DSCAM: variants seen among roughly 807,000 people sequenced by gnomAD.
The protein encoded by DSCAM is DS cell adhesion molecule.
DSCAM carries 47 observed loss-of-function variants against 217.7 expected under a neutral mutation model. The observed-to-expected ratio is 0.22, with a 90% CI of 0.17 to 0.28. The LOEUF is 0.28. Ranked by LOEUF, DSCAM falls within the 10% of genes least tolerant of loss-of-function variation. The pLI is 1.00. For synonymous variants in DSCAM, 1,056 were observed against 1,015.3 expected (o/e 1.04, Z -0.76); for missense variants, 2,080 against 2,618.3 (o/e 0.79, Z 4.49).
At chr21:40,308,975 T>A (rs1167791366) in intron 9 of DSCAM, among the ~76,000 whole-genome samples, 6 of 152,186 alleles carry the variant, frequency 3.9e-5, no homozygotes, top group African/African-American at 1.4e-4. Flanking sequence ...AGAATTCTGG[T>A]TGCATTCACT....
chr21:40,666,849 G>C (rs1423855567), intron 3 of DSCAM, among the ~76,000 whole-genome samples: 1 of 152,236 alleles, frequency 6.6e-6, no homozygotes, highest in Non-Finnish European at 1.5e-5. Context: ...CAAGGCACAA[G>C]AGTTCCAAAA....
intron 3 of DSCAM, among the ~76,000 whole-genome samples, chr21:40,559,782 CTGTCTT>C (rs1034232552): frequency 2.4e-4 from 27 of 111,438 alleles, no homozygotes; most frequent in Non-Finnish European, 3.8e-4. Context: ...TTAAAATTTT[CTGTCTT>C]TTTTTTTTTT....
At chr21:40,657,408 C>T (rs1240411261) in intron 3 of DSCAM, among the ~76,000 whole-genome samples, 1 of 152,058 alleles carries the variant, frequency 6.6e-6, no homozygotes, top group African/African-American at 2.4e-5. Context: ...GCAAATAAAC[C>T]AGGGTACGAC....
At chr21:40,065,181 G>A (rs2089188471) in intron 27 of DSCAM, among the ~76,000 whole-genome samples, 1 of 152,166 alleles carries the variant, frequency 6.6e-6, no homozygotes, top group Admixed American at 6.5e-5. Context: ...GCTGGATGTA[G>A]TAACATGAGT....
intron 3 of DSCAM, among the ~76,000 whole-genome samples, chr21:40,408,580 G>A (rs1001366391): frequency 2.6e-5 from 4 of 152,116 alleles, no homozygotes; most frequent in African/African-American, 9.7e-5. Flanking sequence ...ACATTCATCA[G>A]TCGTAAGTTG....
rs867200599 is a variant in DSCAM, at chr21:40,012,393, G to A, written c.*641C>T. The A allele has an allele frequency of 1.3e-5, 2 of 152,106 alleles. No individual in the cohort carries two copies. Among genetic ancestry groups the A allele is most frequent in the African/African-American group, 4.8e-5 (2 of 41,392 alleles). 9.4% of individuals were successfully genotyped at this position (152,106 alleles called of 1,614,324 possible). A position where few individuals can be genotyped will look rare whatever the true frequency, so the allele number is the denominator to read the frequency against. ...GAGGACCAGGCCACTGGCAGAAGAC[G>A]AGAGAAGCAGACATGGAAATAAAGG... On this transcript the variant is annotated 3_prime_UTR_variant, in exon 33 of 33. Transcript: ENST00000400454.
rs964559754 is a variant in DSCAM at position 40,096,004 on chromosome 21, A to G, written c.3697-2130T>C. On this transcript the variant is annotated intron_variant, in intron 20 of 32. Coordinates refer to ENST00000400454, the MANE Select transcript of DSCAM (RefSeq NM_001389.5). ...AGTGAACTTAAAGGTGTGGAAGGAA[A>G]ATAAATATTGGGGCCCCCAAATCAC... Among the ~76,000 whole-genome samples the G allele has an allele frequency of 5.9e-5, 9 of 152,328 alleles. 1 individual carries two copies. The highest frequency in any genetic ancestry group is 5.2e-4 in the Admixed American group (8 of 15,296).
chr21:40,360,123 C>T (rs12482084), intron 4 of DSCAM, among the ~76,000 whole-genome samples: 52,086 of 65,310 alleles, frequency 0.8, 19,923 homozygotes, highest in East Asian at 0.89. Flanking sequence ...CATAGGTAGT[C>T]TTTTTTTTTT....
rs543370405 is a variant in DSCAM at position 40,774,717 on chromosome 21, A to G, written c.44-65946T>C. Among the ~76,000 whole-genome samples the G allele has an allele frequency of 3.3e-4, 50 of 152,238 alleles. 1 individual carries two copies. In the South Asian group the frequency reaches 9.6e-3, roughly 29 times the overall value. ...AAGTCATGTTCATACTGGAAGCCAC[A>G]TTCATCATCACTTAGTTCTATCACT... On this transcript the variant is annotated intron_variant, in intron 1 of 32. Transcript: ENST00000400454.
intron 3 of DSCAM, among the ~76,000 whole-genome samples, chr21:40,575,536 G>T (rs936733047): frequency 1.3e-5 from 2 of 152,070 alleles, no homozygotes; most frequent in Admixed American, 1.3e-4. Context: ...AGGTGACAGG[G>T]GATGAAAGCC....
chr21:40,846,646 G>A lies in DSCAM; in HGVS notation c.16C>T (p.Leu6Phe). The change falls in exon 1 of 33, where the codon CTC becomes TTC. Residue 6 changes from leucine to phenylalanine, a missense_variant. Physicochemically the swap from Leu to Phe is conservative, Grantham distance 22. This residue lies in a region of DSCAM where 568 missense variants were observed against 678.1 expected (regional missense o/e 0.84). Coordinates refer to ENST00000400454, the MANE Select transcript of DSCAM (RefSeq NM_001389.5). The part of the protein sequence containing the change: MWILA[L>F]SLFQSFANVF... Reference sequence around the variant, plus strand: ...TTCGCGAAGCTCTGGAACAAGGAGAGAGCCAGTATCCACATGCCCCTGCCG... The same window carrying A: ...TTCGCGAAGCTCTGGAACAAGGAGAAAGCCAGTATCCACATGCCCCTGCCG... 9.2e-6 allele frequency: 12 copies of A among 1,304,182 alleles called. No homozygotes were observed. The highest frequency in any genetic ancestry group is 1.2e-5 in the Non-Finnish European group (12 of 1,021,516). The allele number at this position is 1,304,182 out of a possible 1,614,324, so 80.8% of individuals were successfully genotyped here. A position where few individuals can be genotyped will look rare whatever the true frequency, so the allele number is the denominator to read the frequency against.
chr21:40,450,515 A>C (rs567079832), intron 3 of DSCAM, among the ~76,000 whole-genome samples: 2 of 152,204 alleles, frequency 1.3e-5, no homozygotes, highest in South Asian at 4.1e-4. Flanking sequence ...AAATATTTAC[A>C]GGGATAAAGC....
chr21:40,771,360 A>C (rs1244690703), intron 1 of DSCAM, among the ~76,000 whole-genome samples: 1 of 152,152 alleles, frequency 6.6e-6, no homozygotes, highest in Non-Finnish European at 1.5e-5. Context: ...TGGAGGAGGG[A>C]GTATTGGGAA....
chr21:40,780,447 ATC>A (rs1555888079), intron 1 of DSCAM, among the ~76,000 whole-genome samples: 2 of 141,508 alleles, frequency 1.4e-5, no homozygotes, highest in African/African-American at 2.5e-5. Flanking sequence ...ATATATATAT[ATC>A]TCCTGTTATC....
intron 2 of DSCAM, among the ~76,000 whole-genome samples, chr21:40,702,831 T>G (rs561968711): frequency 2.0e-5 from 3 of 152,268 alleles, no homozygotes; most frequent in East Asian, 3.9e-4. Flanking sequence ...CATTTGTAAC[T>G]TATCACCATC....
rs1315583960 is a variant in DSCAM, at chr21:40,493,880, AT to A, written c.509-124636del. 6.3e-4 allele frequency among the ~76,000 whole-genome samples: 42 copies of A among 66,214 alleles called. No individual in the cohort carries two copies. In the South Asian group the frequency reaches 9.8e-3, roughly 15 times the overall value. 43.4% of individuals were successfully genotyped at this position (66,214 alleles called of 152,430 possible). A position where few individuals can be genotyped will look rare whatever the true frequency, so the allele number is the denominator to read the frequency against. ...CTCCATCTCAAAAAAAAAAAAAAAA[AT>A]ATATACATATATATACATATATATA... On this transcript the variant is annotated intron_variant, in intron 3 of 32. Transcript: ENST00000400454.
intron 32 of DSCAM, among the ~76,000 whole-genome samples, chr21:40,019,314 G>C (rs1459010043): frequency 6.6e-6 from 1 of 152,238 alleles, no homozygotes; most frequent in Admixed American, 6.5e-5. Context: ...TCACATGGGA[G>C]AAACCAGCCC....
chr21:40,124,428 C>G (rs2090072200), intron 19 of DSCAM, 100 bp from the exon 20 acceptor site: 1 of 1,485,872 alleles, frequency 6.7e-7, no homozygotes, highest in African/African-American at 1.4e-5. Context: ...CTGTTCAGCT[C>G]TTTCAGGATG....
At chr21:40,405,096 G>A (rs2075269032) in intron 3 of DSCAM, among the ~76,000 whole-genome samples, 1 of 152,144 alleles carries the variant, frequency 6.6e-6, no homozygotes, top group African/African-American at 2.4e-5. Context: ...AAGGTGAATG[G>A]GACATAGCCC....
Sources: allele counts gnomAD v4.1 joint callset (sites outside exome capture counted in the v4.1 genomes callset), GRCh38; gene constraint gnomAD v4.1.1; regional missense constraint gnomAD v4.1.1; transcripts MANE v1.5; gene names NCBI Gene and HGNC (gene_info 2026-07-23, HGNC 2026-07-21).